KSR2: variants seen among roughly 807,000 people sequenced by gnomAD.
The protein encoded by KSR2 is kinase suppressor of ras 2.
A neutral mutation model predicts 107.8 loss-of-function variants in KSR2; 25 were observed. The ratio of observed to expected loss-of-function variants is 0.23; its 90% CI spans 0.17 to 0.32. The LOEUF (loss-of-function observed/expected upper bound fraction) is 0.32. Ranked by LOEUF, KSR2 falls within the 10% of genes least tolerant of loss-of-function variation. The pLI, the probability that KSR2 is intolerant of heterozygous loss-of-function variation, is 1.00. For synonymous variants in KSR2, 480 were observed against 507.0 expected (o/e 0.95, Z 0.71); for missense variants, 887 against 1,268.9 (o/e 0.70, Z 4.57).
intron 7 of KSR2, among the ~76,000 whole-genome samples, chr12:117,578,279 T>C (rs1316381129): frequency 6.6e-6 from 1 of 151,512 alleles, no homozygotes; most frequent in Non-Finnish European, 1.5e-5. Context: ...AAAGGTACCA[T>C]GAGGAGAAAG....
intron 3 of KSR2, among the ~76,000 whole-genome samples, chr12:117,795,527 A>C (rs2137002772): frequency 6.6e-6 from 1 of 152,290 alleles, no homozygotes; most frequent in African/African-American, 2.4e-5. Context: ...AGATGTCCCC[A>C]GCTCCCAGAG....
At chr12:117,610,749 A>AC (rs1881549266) in intron 5 of KSR2, among the ~76,000 whole-genome samples, 1 of 151,624 alleles carries the variant, frequency 6.6e-6, no homozygotes, top group Non-Finnish European at 1.5e-5. Context: ...AAAAAAAAAA[A>AC]AAAAAACAGA....
chr12:117,502,333 G>T (rs563149800), intron 14 of KSR2, among the ~76,000 whole-genome samples: 1 of 152,170 alleles, frequency 6.6e-6, no homozygotes, highest in Admixed American at 6.5e-5. Flanking sequence ...CCTGACTTGG[G>T]GACAGCAATA....
intron 1 of KSR2, among the ~76,000 whole-genome samples, chr12:117,869,126 C>T (rs1270039165): frequency 6.6e-6 from 1 of 151,320 alleles, no homozygotes; most frequent in East Asian, 2.0e-4. Flanking sequence ...AATCCCAGCA[C>T]TTTGGGAGGC....
chr12:117,542,257 A>G (rs1876549966), intron 9 of KSR2, among the ~76,000 whole-genome samples: 1 of 152,200 alleles, frequency 6.6e-6, no homozygotes, highest in South Asian at 2.1e-4. Flanking sequence ...TAAATGAGTT[A>G]TGTAGGTACC....
intron 3 of KSR2, among the ~76,000 whole-genome samples, chr12:117,815,743 G>A (rs12318109): frequency 0.011 from 1,691 of 152,196 alleles, 32 homozygotes; most frequent in African/African-American, 0.038. Flanking sequence ...TTGGGAGGCA[G>A]AGGCAGGTGA....
intron 1 of KSR2, among the ~76,000 whole-genome samples, chr12:117,936,629 C>T (rs1419417932): frequency 1.3e-5 from 2 of 151,758 alleles, no homozygotes; most frequent in African/African-American, 2.4e-5. Flanking sequence ...GAGAGATGGT[C>T]CCATCTTGGC....
At chr12:117,853,893 G>C (rs553089078) in intron 3 of KSR2, among the ~76,000 whole-genome samples, 4 of 152,282 alleles carry the variant, frequency 2.6e-5, no homozygotes, top group East Asian at 1.9e-4. Context: ...ATTTCCATGT[G>C]TCATGACTTT....
intron 5 of KSR2, among the ~76,000 whole-genome samples, chr12:117,630,051 C>T (rs538108449): frequency 9.9e-5 from 15 of 152,150 alleles, no homozygotes; most frequent in Non-Finnish European, 1.8e-4. Context: ...CATGGACAGG[C>T]CAACAGGACC....
At chr12:117,605,672 A>G (rs377391165) in intron 5 of KSR2, among the ~76,000 whole-genome samples, 1 of 152,196 alleles carries the variant, frequency 6.6e-6, no homozygotes, top group Non-Finnish European at 1.5e-5. Flanking sequence ...ATAAATGTAC[A>G]TGTAAGTTCA....
At chr12:117,709,245 C>T (rs1398217871) in intron 4 of KSR2, among the ~76,000 whole-genome samples, 3 of 152,188 alleles carry the variant, frequency 2.0e-5, no homozygotes, top group Non-Finnish European at 4.4e-5. Flanking sequence ...ATCCCCAAAG[C>T]ACCCCCTAAT....
intron 5 of KSR2, among the ~76,000 whole-genome samples, chr12:117,655,335 C>T (rs555352220): frequency 6.6e-6 from 1 of 152,200 alleles, no homozygotes; most frequent in Admixed American, 6.5e-5. Flanking sequence ...ATTCACTGGT[C>T]TTACCATGTT....
chr12:117,892,787 CAAAAAAAAAA>C (rs35897528), intron 1 of KSR2, among the ~76,000 whole-genome samples: 6 of 87,124 alleles, frequency 6.9e-5, no homozygotes, highest in Admixed American at 2.7e-4. Flanking sequence ...GTGCTATGTG[CAAAAAAAAAA>C]AAAAAAAAAA....
intron 14 of KSR2, among the ~76,000 whole-genome samples, chr12:117,491,258 C>T (rs12316783): frequency 0.089 from 13,486 of 152,198 alleles, 952 homozygotes; most frequent in African/African-American, 0.2. Context: ...CAGCTCACTG[C>T]AACCTCTGCC....
At chr12:117,739,282 G>C (rs1888076643) in intron 4 of KSR2, among the ~76,000 whole-genome samples, 1 of 152,060 alleles carries the variant, frequency 6.6e-6, no homozygotes, top group Non-Finnish European at 1.5e-5. Context: ...GTGAACCTGG[G>C]AGGAGGAGCT....
chr12:117,531,801 C>G, intron 10 of KSR2, 94 bp from the exon 11 acceptor site: 1 of 824,358 alleles, frequency 1.2e-6, no homozygotes. Context: ...CATGGTCATT[C>G]TCTGCCCACC....
In KSR2 at chr12:117,454,419, C is replaced by T. The variant is rs1870497305; in HGVS notation, c.*12780G>A. ...CTAATTTGCAGTAGCCACATATACC[C>T]TGGGAGTCTGGCGGTCAGCAAAGAT... On this transcript the variant is annotated 3_prime_UTR_variant, in exon 20 of 20. Transcript: ENST00000339824. 6.6e-6 allele frequency: 1 copy of T among 152,242 alleles called. No individual in the cohort carries two copies. Among genetic ancestry groups the T allele is most frequent in the Non-Finnish European group, 1.5e-5 (1 of 68,048 alleles). The allele number at this position is 152,242 out of a possible 1,614,324, so 9.4% of individuals were successfully genotyped here.
intron 5 of KSR2, among the ~76,000 whole-genome samples, chr12:117,598,678 T>A (rs1483451927): frequency 6.6e-6 from 1 of 152,176 alleles, no homozygotes; most frequent in East Asian, 1.9e-4. Flanking sequence ...TAAGGTGGTA[T>A]TGCATTGTGG....
At chr12:117,491,896 C>T (rs1165628365) in intron 14 of KSR2, among the ~76,000 whole-genome samples, 1 of 152,240 alleles carries the variant, frequency 6.6e-6, no homozygotes, top group African/African-American at 2.4e-5. Context: ...TGTAATGTCA[C>T]TATCCCCATC....
Sources: allele counts gnomAD v4.1 joint callset (sites outside exome capture counted in the v4.1 genomes callset), GRCh38; gene constraint gnomAD v4.1.1; transcripts MANE v1.5; gene names NCBI Gene and HGNC (gene_info 2026-07-23, HGNC 2026-07-21).